Variants in SFMBT1 observed in about 807,000 individuals in gnomAD.
SFMBT1 encodes the protein Scm like with four mbt domains 1.
A neutral mutation model predicts 108.7 loss-of-function variants in SFMBT1; 32 were observed. The observed-to-expected ratio is 0.29, with a 90% CI of 0.22 to 0.40. The LOEUF (loss-of-function observed/expected upper bound fraction) is 0.40. Among genes scored for constraint, SFMBT1 ranks in the 10% least tolerant of loss-of-function variants. The pLI, the probability that SFMBT1 is intolerant of heterozygous loss-of-function variation, is 1.00. For synonymous variants in SFMBT1, 348 were observed against 369.5 expected (o/e 0.94, Z 0.67); for missense variants, 816 against 1,059.6 (o/e 0.77, Z 3.19).
At chr3:52,991,342 C>CTTTTTT (rs71087045) in intron 1 of SFMBT1, among the ~76,000 whole-genome samples, 23,913 of 90,638 alleles carry the variant, frequency 0.26, 3,701 homozygotes, top group Non-Finnish European at 0.34. Context: ...GCTGAAACTT[C>CTTTTTT]TTTTTTTTTT....
At chr3:53,045,785 G>T (rs1352591742) in intron 1 of SFMBT1, 31 bp downstream of exon 1, 1 of 150,776 alleles carries the variant, frequency 6.6e-6, no homozygotes, top group East Asian at 2.0e-4. Context: ...CGCCGCGCGG[G>T]AAGGCCCAGC....
chr3:53,019,623 T>G (rs1220089294), intron 1 of SFMBT1, among the ~76,000 whole-genome samples: 2 of 152,056 alleles, frequency 1.3e-5, no homozygotes, highest in Non-Finnish European at 2.9e-5. Context: ...CATGAGCAAG[T>G]CCTATTGAGT....
Position 52,936,388 on chromosome 3 carries a change from A to ATCT in SFMBT1, c.365-1490_365-1488dup, listed in dbSNP as rs569124649. Among the ~76,000 whole-genome samples, 231 of 152,344 alleles carry ATCT rather than the reference A, an allele frequency of 1.5e-3. 1 individual carries two copies. The highest frequency in any genetic ancestry group is 5.4e-3 in the African/African-American group (226 of 41,588). On this transcript the variant is annotated intron_variant, in intron 4 of 20. Transcript: ENST00000394752. ...TAAAATAAACAGTTGATTGGCAGGCATCTTCCAAGAGTGGCTAATGAGGGT... is the reference window on the plus strand; with the variant it reads ...TAAAATAAACAGTTGATTGGCAGGCATCTTCTTCCAAGAGTGGCTAATGAGGGT...
intron 3 of SFMBT1, among the ~76,000 whole-genome samples, chr3:52,951,615 T>C (rs1057304400): frequency 2.6e-5 from 4 of 152,154 alleles, no homozygotes; most frequent in African/African-American, 7.2e-5. Context: ...GGTTTCATCA[T>C]GTTGGCCAGG....
rs1703710006 is a variant in SFMBT1 at position 52,954,386 on chromosome 3, T to C, written c.54A>G (p.Val18=). The C allele has an allele frequency of 6.2e-7, 1 of 1,613,890 alleles. No homozygotes were observed. Among genetic ancestry groups the C allele is most frequent in the African/African-American group, 1.3e-5 (1 of 75,054 alleles). ...DADAGSGMEE[V]ELSWEDYLEE... Reference sequence around the variant, plus strand: ...CTAGATAATCTTCCCAGCTTAATTCTACCTCTTCCATACCAGAGCCGGCAT... The same window carrying C: ...CTAGATAATCTTCCCAGCTTAATTCCACCTCTTCCATACCAGAGCCGGCAT... The change falls in exon 3 of 21, where the codon GTA becomes GTG. Residue 18 remains valine (V), a synonymous_variant. Coordinates refer to ENST00000394752, the MANE Select transcript of SFMBT1 (RefSeq NM_016329.4).
intron 1 of SFMBT1, chr3:53,045,195 A>C (rs899110189): frequency 1.3e-5 from 2 of 149,802 alleles, no homozygotes; most frequent in Non-Finnish European, 3.0e-5. Flanking sequence ...CTCACTTCAC[A>C]ACGGCGGCCC....
intron 1 of SFMBT1, among the ~76,000 whole-genome samples, chr3:52,995,835 G>A (rs1253282340): frequency 1.3e-5 from 2 of 149,820 alleles, no homozygotes; most frequent in East Asian, 2.0e-4. Flanking sequence ...ACTTTGGGAG[G>A]CTGAGGCGGG....
chr3:52,998,634 C>A (rs1241133373), intron 1 of SFMBT1, among the ~76,000 whole-genome samples: 2 of 150,316 alleles, frequency 1.3e-5, no homozygotes, highest in Non-Finnish European at 3.0e-5. Context: ...CCAGCGCCCA[C>A]CCACCTGGGC....
At chr3:53,009,536 A>T (rs746599132) in intron 1 of SFMBT1, among the ~76,000 whole-genome samples, 11 of 152,240 alleles carry the variant, frequency 7.2e-5, no homozygotes, top group Non-Finnish European at 1.2e-4. Context: ...ATCTGGTGCT[A>T]GATAATACAA....
At chr3:52,916,312 G>C in intron 13 of SFMBT1, 98 bp from the exon 14 acceptor site, 1 of 1,025,096 alleles carries the variant, frequency 9.8e-7, no homozygotes, top group Non-Finnish European at 1.5e-6. Flanking sequence ...AGCAAATGTG[G>C]CATGTTCGCA....
chr3:52,932,355 A>G, intron 5 of SFMBT1, 47 bp from the exon 6 acceptor site: 6 of 1,564,560 alleles, frequency 3.8e-6, no homozygotes, highest in South Asian at 3.6e-5. Flanking sequence ...AATTAACATA[A>G]TATTTTTGAA....
intron 2 of SFMBT1, among the ~76,000 whole-genome samples, chr3:52,955,422 T>A: frequency 6.7e-6 from 1 of 149,856 alleles, no homozygotes; most frequent in South Asian, 2.1e-4. Context: ...CAAAAATAAA[T>A]AAATAAATAA....
rs1702718197 is a variant in SFMBT1, at chr3:52,928,241, A to C, written c.998T>G (p.Phe333Cys). ...ATTCTTCAGACTCCACTGCACAGGGAAGATGCCAGGACTGTCGGCGTGGCA... is the reference window on the plus strand; with the variant it reads ...ATTCTTCAGACTCCACTGCACAGGGCAGATGCCAGGACTGTCGGCGTGGCA... ...FVCHADSPGI[F>C]PVQWSLKNGL... Residue 333 changes from phenylalanine to cysteine, a missense_variant, in exon 9 of 21, where the codon TTC becomes TGC. Physicochemically the swap from Phe to Cys is radical, Grantham distance 205 (BLOSUM62 -2). This residue lies in a region of SFMBT1 where 495 missense variants were observed against 607.4 expected (regional missense o/e 0.81). Transcript: ENST00000394752. 6.2e-7 allele frequency: 1 copy of C among 1,614,018 alleles called. No homozygotes were observed. The highest frequency in any genetic ancestry group is 1.1e-5 in the South Asian group (1 of 91,080).
intron 4 of SFMBT1, among the ~76,000 whole-genome samples, chr3:52,942,256 C>A (rs868205618): frequency 6.6e-6 from 1 of 152,030 alleles, no homozygotes; most frequent in Non-Finnish European, 1.5e-5. Context: ...AACATGAATA[C>A]CTTGTTTTTA....
In SFMBT1 at chr3:53,016,429, A is replaced by G. The variant is rs141633142; in HGVS notation, c.-131+29387T>C. 8.3e-3 allele frequency among the ~76,000 whole-genome samples: 1,272 copies of G among 152,356 alleles called. 21 individuals are homozygous for G. Among genetic ancestry groups the G allele is most frequent in the African/African-American group, 0.029 (1,209 of 41,572 alleles). ...CCAACCTTCCCAATGTGGTTGTATC[A>G]ACACACATACCACAAGCGTGAATAA... On this transcript the variant is annotated intron_variant, in intron 1 of 20. Transcript: ENST00000394752.
intron 1 of SFMBT1, among the ~76,000 whole-genome samples, chr3:52,999,479 A>G (rs1698462703): frequency 6.6e-6 from 1 of 150,402 alleles, no homozygotes; most frequent in Non-Finnish European, 1.5e-5. Flanking sequence ...GGGGTAGTCA[A>G]GGAGCTCGGG....
At chr3:52,940,962 C>A (rs1703160934) in intron 4 of SFMBT1, among the ~76,000 whole-genome samples, 1 of 152,158 alleles carries the variant, frequency 6.6e-6, no homozygotes, top group African/African-American at 2.4e-5. Context: ...AAGCATCAGA[C>A]AAACCCAAAT....
In SFMBT1 at chr3:52,905,052, A is replaced by C. The variant is rs1702030929; in HGVS notation, c.*84T>G. The C allele has an allele frequency of 1.3e-6, 2 of 1,555,772 alleles. No homozygotes were observed. Among genetic ancestry groups the C allele is most frequent in the East Asian group, 2.3e-5 (1 of 43,922 alleles). On this transcript the variant is annotated 3_prime_UTR_variant, in exon 21 of 21. Coordinates refer to ENST00000394752, the MANE Select transcript of SFMBT1 (RefSeq NM_016329.4). ...TACCTGCAGGCCCCAGAGCCCCAGG[A>C]CTATTCCAGCTCCACTTATAAAGCA...
At chr3:52,939,045 C>T (rs1703106074) in intron 4 of SFMBT1, among the ~76,000 whole-genome samples, 1 of 152,204 alleles carries the variant, frequency 6.6e-6, no homozygotes, top group African/African-American at 2.4e-5. Flanking sequence ...ACATTACATT[C>T]CATTGTCTTT....
Sources: allele counts gnomAD v4.1 joint callset (sites outside exome capture counted in the v4.1 genomes callset), GRCh38; gene constraint gnomAD v4.1.1; regional missense constraint gnomAD v4.1.1; transcripts MANE v1.5; gene names NCBI Gene and HGNC (gene_info 2026-07-23, HGNC 2026-07-21).